Variants in MTRF1 observed in about 807,000 individuals in gnomAD.
MTRF1 encodes the protein mitochondrial translation release factor 1.
In MTRF1, 51 loss-of-function variants were observed where a neutral mutation model predicts 62.9. That is an observed-to-expected ratio of 0.81 (90% confidence interval 0.65 to 1.02). MTRF1 has a LOEUF of 1.02. MTRF1 is among the 50% of genes least tolerant of loss of function. The probability of loss-of-function intolerance (pLI) is 0.00; values close to 1 mark genes in which losing one functional copy is unlikely to be tolerated. For synonymous variants in MTRF1, 158 were observed against 181.9 expected, an observed-to-expected ratio of 0.87 and a Z score of 1.06; for missense variants, 446 against 530.0, an observed-to-expected ratio of 0.84 and a Z score of 1.56.
the MTRF1 span, among the ~76,000 whole-genome samples, chr13:41,270,346 AT>A: frequency 0.053 from 8,063 of 152,290 alleles, 264 homozygotes; most frequent in Non-Finnish European, 0.079. Flanking sequence ...TGATTAAAAT[AT>A]TTGATTCACA....
At chr13:41,265,854 G>T (rs549100311), upstream of MTRF1, among the ~76,000 whole-genome samples, 19 of 151,750 alleles carry the variant, frequency 1.3e-4, no homozygotes, top group Admixed American at 2.6e-4. Context: ...TTGTTTTTTT[G>T]TTTTTTTGTT....
chr13:41,311,907 C>T, the MTRF1 span, among the ~76,000 whole-genome samples: 2 of 152,260 alleles, frequency 1.3e-5, no homozygotes, highest in Admixed American at 6.5e-5. Context: ...CTCTCTGCCG[C>T]GCCGGGCTCG....
Position 41,233,916 on chromosome 13 carries a change from G to A in MTRF1, c.962C>T (p.Ala321Val), listed in dbSNP as rs775668225. ...TGTGGGGATGTGGACAAGTCTGACG[G>A]CACTATCAGTTTTATTAACATGCTG... ...GGQHVNKTDS[A>V]VRLVHIPTGL... Residue 321 changes from alanine to valine, a missense_variant, in exon 7 of 10, where the codon GCC becomes GTC. Transcript: ENST00000379480. 4 of 1,613,978 alleles carry A rather than the reference G, an allele frequency of 2.5e-6. No individual in the cohort carries two copies. The highest frequency in any genetic ancestry group is 3.4e-6 in the Non-Finnish European group (4 of 1,179,858).
chr13:41,309,382 GTT>G, the MTRF1 span, among the ~76,000 whole-genome samples: 1 of 141,758 alleles, frequency 7.1e-6, no homozygotes, highest in Non-Finnish European at 1.6e-5. Context: ...GTGTGTGTGT[GTT>G]TGCCATGTTG....
chr13:41,286,862 T>A, the MTRF1 span, among the ~76,000 whole-genome samples: 1 of 152,246 alleles, frequency 6.6e-6, no homozygotes, highest in African/African-American at 2.4e-5. Flanking sequence ...CAGTACGATG[T>A]TATGTAATGA....
the MTRF1 span, among the ~76,000 whole-genome samples, chr13:41,299,277 T>C: frequency 1.3e-5 from 2 of 152,006 alleles, no homozygotes; most frequent in Non-Finnish European, 2.9e-5. Flanking sequence ...AATTCAGAAA[T>C]TGTTTTGTAC....
the MTRF1 span, among the ~76,000 whole-genome samples, chr13:41,289,155 G>A: frequency 3.3e-5 from 5 of 152,040 alleles, no homozygotes; most frequent in Admixed American, 1.3e-4. Flanking sequence ...TTTTTTTGAA[G>A]TGTTGTCTTC....
the MTRF1 span, among the ~76,000 whole-genome samples, chr13:41,296,913 T>G: frequency 6.6e-6 from 1 of 152,216 alleles, no homozygotes; most frequent in African/African-American, 2.4e-5. Flanking sequence ...ATCATGGCTA[T>G]TCTAAGTTTT....
chr13:41,300,658 C>T, the MTRF1 span, among the ~76,000 whole-genome samples: 1 of 151,926 alleles, frequency 6.6e-6, no homozygotes, highest in African/African-American at 2.4e-5. Context: ...AATCCTCCTG[C>T]CTCAGCTTCC....
At chr13:41,266,829 A>T (rs896271172), upstream of MTRF1, among the ~76,000 whole-genome samples, 1 of 151,474 alleles carries the variant, frequency 6.6e-6, no homozygotes, top group Non-Finnish European at 1.5e-5. Context: ...CATCTCTTCT[A>T]AAAAAATACA....
chr13:41,235,159 T>G (rs916719192), intron 6 of MTRF1: 1 of 151,690 alleles, frequency 6.6e-6, no homozygotes, highest in African/African-American at 2.4e-5. Context: ...GGTGCAATCA[T>G]AGCTCACTGC....
At chr13:41,273,154 G>A in the MTRF1 span, among the ~76,000 whole-genome samples, 8 of 152,014 alleles carry the variant, frequency 5.3e-5, no homozygotes, top group South Asian at 4.2e-4. Context: ...GTGAAACCCC[G>A]TCTCTACTAA....
chr13:41,231,582 A>G (rs1326407405), intron 7 of MTRF1, among the ~76,000 whole-genome samples: 1 of 152,236 alleles, frequency 6.6e-6, no homozygotes, highest in Admixed American at 6.5e-5. Context: ...GAAAAGGTCT[A>G]CAGATATAGA....
At chr13:41,308,227 A>C in the MTRF1 span, among the ~76,000 whole-genome samples, 2 of 152,174 alleles carry the variant, frequency 1.3e-5, no homozygotes, top group African/African-American at 2.4e-5. Flanking sequence ...ACTTTCATAA[A>C]AGATAATCGT....
chr13:41,252,514 G>T, intron 5 of MTRF1, 131 bp downstream of exon 5: 1 of 614,462 alleles, frequency 1.6e-6, no homozygotes, highest in Non-Finnish European at 2.8e-6. Flanking sequence ...TGATTGATGA[G>T]CCTATGCCAC....
the MTRF1 span, among the ~76,000 whole-genome samples, chr13:41,271,936 A>T: frequency 7.9e-5 from 12 of 152,312 alleles, no homozygotes; most frequent in Non-Finnish European, 1.3e-4. Context: ...AACTAGAATC[A>T]GGATCCTTAA....
chr13:41,311,560 G>C, the MTRF1 span: 1 of 1,608,736 alleles, frequency 6.2e-7, no homozygotes, highest in Non-Finnish European at 8.5e-7. Flanking sequence ...CCCAAGGAGA[G>C]CAACCTCTTC....
chr13:41,288,728 C>T, the MTRF1 span, among the ~76,000 whole-genome samples: 1 of 152,132 alleles, frequency 6.6e-6, no homozygotes, highest in Middle Eastern at 3.4e-3. Flanking sequence ...TGACATTACT[C>T]GATTTTTTTT....
intron 5 of MTRF1, among the ~76,000 whole-genome samples, chr13:41,247,851 C>T (rs1054296802): frequency 6.6e-6 from 1 of 152,142 alleles, no homozygotes; most frequent in Non-Finnish European, 1.5e-5. Context: ...GTTATTTTCA[C>T]ATTGGGCCCA....
Sources: gnomAD v4.1 joint callset for allele counts (sites outside exome capture counted in the v4.1 genomes callset) on GRCh38, gnomAD v4.1.1 for gene constraint, MANE v1.5 for transcripts, NCBI Gene and HGNC (gene_info 2026-07-23, HGNC 2026-07-21) for gene names.